The following COL25A1 variants were observed in gnomAD, a reference collection of about 807,000 sequenced individuals.
COL25A1 encodes the protein collagen type XXV alpha 1 chain.
In COL25A1, 103 loss-of-function variants were observed where a neutral mutation model predicts 128.4. The ratio of observed to expected loss-of-function variants is 0.80; its 90% confidence interval spans 0.68 to 0.94. The LOEUF is 0.94. Among genes scored for constraint, COL25A1 ranks in the 40% least tolerant of loss-of-function variants. The pLI is 0.00. For synonymous variants in COL25A1, 279 were observed against 277.2 expected (o/e 1.01, Z -0.06); for missense variants, 745 against 840.0 (o/e 0.89, Z 1.40).
chr4:109,005,891 G>T, intron 6 of COL25A1, among the ~76,000 whole-genome samples: 1 of 152,102 alleles, frequency 6.6e-6, no homozygotes, highest in Non-Finnish European at 1.5e-5. Flanking sequence ...GAGAGGAACA[G>T]AATTATCAGG....
chr4:109,069,357 A>G (rs2881132), intron 3 of COL25A1, among the ~76,000 whole-genome samples: 13,590 of 151,944 alleles, frequency 0.089, 679 homozygotes, highest in South Asian at 0.12. Flanking sequence ...GACAGCAGGC[A>G]TGCACCACCA....
intron 6 of COL25A1, among the ~76,000 whole-genome samples, chr4:108,983,627 C>T (rs1048440135): frequency 7.2e-5 from 11 of 151,870 alleles, no homozygotes; most frequent in Admixed American, 1.3e-4. Context: ...CTTAAGGTGG[C>T]GCATCTGGAG....
intron 31 of COL25A1, 25 bp from the exon 32 acceptor site, chr4:108,832,458 T>C (rs1283065095): frequency 5.3e-6 from 8 of 1,503,928 alleles, no homozygotes; most frequent in African/African-American, 1.4e-5. Context: ...ATATGAGATA[T>C]ATCACAAGGG....
chr4:109,033,033 T>G (rs185380745), intron 5 of COL25A1, among the ~76,000 whole-genome samples: 4 of 152,348 alleles, frequency 2.6e-5, no homozygotes, highest in Admixed American at 2.6e-4. Flanking sequence ...CACCAGGTCC[T>G]CCATAAAGGA....
intron 3 of COL25A1, among the ~76,000 whole-genome samples, chr4:109,088,795 T>C (rs372940523): frequency 6.6e-6 from 1 of 152,204 alleles, no homozygotes; most frequent in Admixed American, 6.5e-5. Context: ...ATGAGGTTAC[T>C]GGTGATTTGG....
chr4:109,092,911 G>A (rs568075957), intron 3 of COL25A1, among the ~76,000 whole-genome samples: 2 of 152,184 alleles, frequency 1.3e-5, no homozygotes, highest in African/African-American at 2.4e-5. Flanking sequence ...TAGAATTGGG[G>A]TAAAAATAAC....
Position 108,896,832 on chromosome 4 carries a change from T to C in COL25A1, c.862-121A>G. The stretch of plus-strand genomic sequence containing the variant: ...ATATTAAAATCTGTTGCAAATGCTC[T>C]ATAGAGCTAATGTATTTATACTTGA... On this transcript the variant is annotated intron_variant, in intron 15 of 37. Transcript: ENST00000399132. 3.6e-6 allele frequency: 3 copies of C among 828,554 alleles called. No individual in the cohort carries two copies. In the Admixed American group the frequency reaches 6.5e-5, roughly 18 times the overall value. 51.3% of individuals were successfully genotyped at this position (828,554 alleles called of 1,614,324 possible).
At chr4:109,258,615 C>G (rs1044425927) in intron 3 of COL25A1, among the ~76,000 whole-genome samples, 2 of 152,070 alleles carry the variant, frequency 1.3e-5, no homozygotes, top group African/African-American at 4.8e-5. Context: ...ATTGCTATTG[C>G]CTTTTTGGCC....
rs748619882 is a variant in COL25A1, at chr4:109,285,839, TG to T, written c.367+14743del. Among the ~76,000 whole-genome samples, 22 of 151,896 alleles carry T rather than the reference TG, an allele frequency of 1.4e-4. 1 individual carries two copies. The highest frequency in any genetic ancestry group is 6.2e-4 in the South Asian group (3 of 4,806). On this transcript the variant is annotated intron_variant, in intron 3 of 37. Coordinates refer to ENST00000399132, the MANE Select transcript of COL25A1 (RefSeq NM_198721.4). Reference sequence around the variant, plus strand: ...ACTTGCAAATGCTACAAATCAGAGTTGGGTTGTTGTTTGTTGGTTTTTGTTT... The same window carrying T: ...ACTTGCAAATGCTACAAATCAGAGTTGGTTGTTGTTTGTTGGTTTTTGTTT...
At chr4:109,013,799 C>G (rs562527771) in intron 5 of COL25A1, among the ~76,000 whole-genome samples, 1 of 152,304 alleles carries the variant, frequency 6.6e-6, no homozygotes, top group Non-Finnish European at 1.5e-5. Flanking sequence ...TCAGAAGGAA[C>G]AAACTCCGGA....
chr4:109,285,098 A>G (rs1016584445), intron 3 of COL25A1, among the ~76,000 whole-genome samples: 5 of 152,162 alleles, frequency 3.3e-5, no homozygotes, highest in African/African-American at 1.2e-4. Flanking sequence ...AATCAGTTGC[A>G]CAAATTTAAG....
chr4:109,258,144 A>T (rs542178394), intron 3 of COL25A1, among the ~76,000 whole-genome samples: 12 of 152,250 alleles, frequency 7.9e-5, no homozygotes, highest in African/African-American at 2.6e-4. Flanking sequence ...AGCTGAACAA[A>T]TGTACTGGCT....
chr4:109,098,382 C>T (rs937949321), intron 3 of COL25A1, among the ~76,000 whole-genome samples: 2 of 152,180 alleles, frequency 1.3e-5, no homozygotes, highest in African/African-American at 2.4e-5. Flanking sequence ...GGACAAGTGG[C>T]TGTTTCTCTT....
At chr4:108,941,954 G>A (rs1748157884) in intron 8 of COL25A1, among the ~76,000 whole-genome samples, 1 of 152,146 alleles carries the variant, frequency 6.6e-6, no homozygotes, top group South Asian at 2.1e-4. Flanking sequence ...TCAAGGCGTG[G>A]CATGGTTCTA....
chr4:108,967,356 T>A (rs1016055736), intron 8 of COL25A1, among the ~76,000 whole-genome samples: 2 of 152,198 alleles, frequency 1.3e-5, no homozygotes, highest in African/African-American at 4.8e-5. Flanking sequence ...GGAAGCAGTC[T>A]TGTTCACTGA....
chr4:108,970,422 C>T (rs551198795), intron 8 of COL25A1, among the ~76,000 whole-genome samples: 13 of 152,138 alleles, frequency 8.5e-5, no homozygotes, highest in Middle Eastern at 3.4e-3. Flanking sequence ...TTTTAGGGTC[C>T]TTTTTAAAAC....
At chr4:108,995,907 C>T (rs113476063) in intron 6 of COL25A1, among the ~76,000 whole-genome samples, 419 of 152,148 alleles carry the variant, frequency 2.8e-3, no homozygotes, top group Non-Finnish European at 5.2e-3. Flanking sequence ...CCCTTACAAA[C>T]AAGGAAATGC....
At chr4:108,942,184 G>A in intron 8 of COL25A1, 3 of 1,548,154 alleles carry the variant, frequency 1.9e-6, no homozygotes, top group Non-Finnish European at 2.6e-6. Flanking sequence ...TTCTGACTGT[G>A]CAGGCATGAG....
intron 10 of COL25A1, 30 bp downstream of exon 10, chr4:108,940,509 T>G: frequency 3.2e-4 from 506 of 1,562,884 alleles, no homozygotes; most frequent in Non-Finnish European, 4.2e-4. Flanking sequence ...GCAAAACGTG[T>G]GAGAATAAGT....
Sources: gnomAD v4.1 joint callset for allele counts (sites outside exome capture counted in the v4.1 genomes callset) on GRCh38, gnomAD v4.1.1 for gene constraint, MANE v1.5 for transcripts, NCBI Gene and HGNC (gene_info 2026-07-23, HGNC 2026-07-21) for gene names.